Variants in MOBP observed in about 807,000 individuals in gnomAD.
The protein encoded by MOBP is myelin associated oligodendrocyte basic protein.
A neutral mutation model predicts 15.0 loss-of-function variants in MOBP; 5 were observed. The observed-to-expected ratio is 0.33, with a 90% CI of 0.17 to 0.70. MOBP has a LOEUF of 0.70. Among genes scored for constraint, MOBP ranks in the 30% least tolerant of loss-of-function variants. The pLI is 0.67. For missense variants in MOBP, 188 were observed against 257.8 expected, an observed-to-expected ratio of 0.73 and a Z score of 1.85; for synonymous variants, 88 against 99.0, an observed-to-expected ratio of 0.89 and a Z score of 0.66.
intron 1 of MOBP, among the ~76,000 whole-genome samples, chr3:39,477,268 T>C (rs151098657): frequency 4.3e-4 from 65 of 152,214 alleles, no homozygotes; most frequent in Admixed American, 2.1e-3. Flanking sequence ...AACTTTGGAT[T>C]TGGCCAAGGA....
intron 1 of MOBP, among the ~76,000 whole-genome samples, chr3:39,471,114 C>G (rs553663141): frequency 6.9e-6 from 1 of 145,282 alleles, no homozygotes; most frequent in South Asian, 2.2e-4. Context: ...GTAGATAACA[C>G]ATATGAAAAG....
At chr3:39,520,530 G>A (rs895684216), downstream of MOBP, among the ~76,000 whole-genome samples, 31 of 114,090 alleles carry the variant, frequency 2.7e-4, no homozygotes, top group African/African-American at 8.1e-4. Flanking sequence ...TACCAAATGT[G>A]TTCATGAGTG....
chr3:39,488,776 T>C (rs72869184), intron 2 of MOBP, among the ~76,000 whole-genome samples: 1 of 152,066 alleles, frequency 6.6e-6, no homozygotes, highest in Non-Finnish European at 1.5e-5. Context: ...ACATCCAGTT[T>C]GTCCTCATGT....
In MOBP at chr3:39,483,933, G is replaced by A. The variant is rs1002177154; in HGVS notation, c.-5+3810G>A. On this transcript the variant is annotated intron_variant, in intron 2 of 3. Coordinates refer to ENST00000684792, the MANE Select transcript of MOBP (RefSeq NM_001393704.1). The stretch of plus-strand genomic sequence containing the variant: ...AACATCCCAGAGGACAGAAGCACCT[G>A]GGGAATTTTAAGACACTTTCAACCC... Among the ~76,000 whole-genome samples the A allele has an allele frequency of 3.3e-5, 5 of 152,164 alleles. No individual in the cohort carries two copies. The East Asian group carries it at 5.8e-4, about 18-fold the overall frequency.
At chr3:39,495,055 G>T (rs2042858105) in intron 2 of MOBP, among the ~76,000 whole-genome samples, 1 of 152,100 alleles carries the variant, frequency 6.6e-6, no homozygotes, top group Admixed American at 6.5e-5. Flanking sequence ...GTCCAAGATG[G>T]CTCCTGTACC....
intron 1 of MOBP, among the ~76,000 whole-genome samples, chr3:39,469,214 GTATATACATATATACATATGTGTGTGTA>G (rs1559412354): frequency 4.1e-5 from 4 of 98,670 alleles, no homozygotes; most frequent in South Asian, 6.8e-4. Flanking sequence ...ACATGTGTGT[GTATATACATATATACATATGTGTGTGTA>G]TATATACATA....
intron 2 of MOBP, among the ~76,000 whole-genome samples, chr3:39,480,512 C>A (rs1023235666): frequency 2.0e-5 from 3 of 152,194 alleles, no homozygotes; most frequent in Non-Finnish European, 4.4e-5. Flanking sequence ...TCTCTGAGAA[C>A]AAGGCTTTAT....
intron 2 of MOBP, among the ~76,000 whole-genome samples, chr3:39,498,899 A>G (rs1355780294): frequency 6.6e-6 from 1 of 152,202 alleles, no homozygotes; most frequent in Non-Finnish European, 1.5e-5. Context: ...TGACCCAGGC[A>G]TTACATCAGC....
chr3:39,490,370 A>G (rs76395532), intron 2 of MOBP, among the ~76,000 whole-genome samples: 17,263 of 152,224 alleles, frequency 0.11, 1,212 homozygotes, highest in Middle Eastern at 0.19. Context: ...ATATTCAGAG[A>G]GTAAATATTA....
intron 2 of MOBP, among the ~76,000 whole-genome samples, chr3:39,495,271 A>G (rs1488144511): frequency 3.3e-5 from 5 of 152,022 alleles, no homozygotes. Flanking sequence ...AAATATCTCC[A>G]TATATTTGGA....
At chr3:39,508,611 A>G (rs370198294) in intron 4 of MOBP, among the ~76,000 whole-genome samples, 56 of 146,614 alleles carry the variant, frequency 3.8e-4, no homozygotes, top group African/African-American at 1.3e-3. Context: ...GTGCAATGGC[A>G]TGATCTCGGC....
At chr3:39,516,356 G>T (rs970618031), downstream of MOBP, among the ~76,000 whole-genome samples, 9 of 152,132 alleles carry the variant, frequency 5.9e-5, no homozygotes, top group Admixed American at 2.6e-4. Flanking sequence ...GAGGAGTTGA[G>T]GGGGCCAAAT....
At chr3:39,479,181 C>T (rs566150532) in intron 1 of MOBP, among the ~76,000 whole-genome samples, 2 of 152,176 alleles carry the variant, frequency 1.3e-5, no homozygotes, top group Non-Finnish European at 2.9e-5. Flanking sequence ...TTCAATTATT[C>T]TGTCAAGCAG....
chr3:39,518,914 A>G (rs1418514567), downstream of MOBP, among the ~76,000 whole-genome samples: 1 of 152,238 alleles, frequency 6.6e-6, no homozygotes, highest in African/African-American at 2.4e-5. Context: ...AGTGGGGATT[A>G]GAACACCTCA....
chr3:39,490,656 G>A (rs1349757875), intron 2 of MOBP, among the ~76,000 whole-genome samples: 1 of 152,036 alleles, frequency 6.6e-6, no homozygotes, highest in Non-Finnish European at 1.5e-5. Flanking sequence ...TTCACCTCCC[G>A]GGCTCAAGCG....
intron 1 of MOBP, among the ~76,000 whole-genome samples, chr3:39,469,154 ATG>A (rs200106596): frequency 0.018 from 1,577 of 86,736 alleles, 377 homozygotes; most frequent in Non-Finnish European, 0.023. Flanking sequence ...ATATATACAT[ATG>A]TGTGTGTGTA....
At chr3:39,473,580 G>A (rs2042500665) in intron 1 of MOBP, among the ~76,000 whole-genome samples, 1 of 152,188 alleles carries the variant, frequency 6.6e-6, no homozygotes, top group African/African-American at 2.4e-5. Flanking sequence ...AGTTCAACTT[G>A]TAAGAGCTCA....
chr3:39,512,274 G>A (rs2043129525), intron 4 of MOBP, among the ~76,000 whole-genome samples: 1 of 152,108 alleles, frequency 6.6e-6, no homozygotes, highest in Admixed American at 6.5e-5. Context: ...ACTTGCTGAG[G>A]GTGATGCCTG....
chr3:39,468,891 A>G lies in MOBP; in HGVS notation c.-89+1151A>G, dbSNP rs944266498. Among the ~76,000 whole-genome samples, 12 of 110,500 alleles carry G rather than the reference A, an allele frequency of 1.1e-4. 2 individuals carry two copies. Among genetic ancestry groups the G allele is most frequent in the Admixed American group, 7.6e-4 (9 of 11,854 alleles). The allele number at this position is 110,500 out of a possible 152,430, so 72.5% of individuals were successfully genotyped here. A position where few individuals can be genotyped will look rare whatever the true frequency, so the allele number is the denominator to read the frequency against. On this transcript the variant is annotated intron_variant, in intron 1 of 3. Coordinates refer to ENST00000684792, the MANE Select transcript of MOBP (RefSeq NM_001393704.1). ...TATACATATATACATATGTGTGTGT[A>G]TATATACATATATACATATGAGTGT...
Sources: gnomAD v4.1 joint callset for allele counts (sites outside exome capture counted in the v4.1 genomes callset) on GRCh38, gnomAD v4.1.1 for gene constraint, MANE v1.5 for transcripts, NCBI Gene and HGNC (gene_info 2026-07-23, HGNC 2026-07-21) for gene names.